Variants in INO80D observed in about 807,000 individuals in gnomAD.
The protein encoded by INO80D is INO80 complex subunit D.
INO80D carries 21 observed loss-of-function variants against 87.6 expected under a neutral mutation model. That is an observed-to-expected ratio of 0.24 (90% CI 0.17 to 0.35). The LOEUF is 0.35. Ranked by LOEUF, INO80D falls within the 10% of genes least tolerant of loss-of-function variation. The pLI is 1.00. For missense variants in INO80D, 982 were observed against 1,280.7 expected (o/e 0.77, Z 3.56); for synonymous variants, 440 against 491.0 (o/e 0.90, Z 1.37).
At position 206,085,512 on chromosome 2, in the gene INO80D, G is replaced by C. The variant is rs112747614; in HGVS notation, c.-124+389C>G. On this transcript the variant is annotated intron_variant, in intron 1 of 10. Coordinates refer to ENST00000403263, the MANE Select transcript of INO80D (RefSeq NM_017759.5). The surrounding 1 kb of genome is among the most constrained non-coding windows in gnomAD (Gnocchi z 4.5). ...CACCCGGAGACCCCGGGGGACTCGA[G>C]GGGGCGCGCGGAGGCCCGGGGTGCG... 54,331 of 150,314 alleles carry C rather than the reference G, an allele frequency of 0.36. 10,473 individuals carry two copies. Among genetic ancestry groups the C allele is most frequent in the African/African-American group, 0.48 (19,992 of 41,230 alleles). The allele number at this position is 150,314 out of a possible 1,614,324, so 9.3% of individuals were successfully genotyped here. A position where few individuals can be genotyped will look rare whatever the true frequency, so the allele number is the denominator to read the frequency against.
At chr2:206,031,029 C>G (rs1688751665) in intron 5 of INO80D, among the ~76,000 whole-genome samples, 1 of 151,996 alleles carries the variant, frequency 6.6e-6, no homozygotes, top group South Asian at 2.1e-4. Context: ...AATAAGCAGG[C>G]AGCAGTTTCC....
chr2:206,019,410 T>G (rs1688400711), intron 7 of INO80D, among the ~76,000 whole-genome samples: 1 of 152,210 alleles, frequency 6.6e-6, no homozygotes, highest in African/African-American at 2.4e-5. Context: ...GTGATTTGAT[T>G]TTTTCCATTA....
Position 206,005,512 on chromosome 2 carries a change from GGGA to G in INO80D, c.1937_1939del (p.Leu646del). The G allele has an allele frequency of 6.2e-7, 1 of 1,612,288 alleles. No homozygotes were observed. Among genetic ancestry groups the G allele is most frequent in the Non-Finnish European group, 8.5e-7 (1 of 1,179,658 alleles). ...AAGCTCCTCAGCCTCTTCGGTAGTTGGGAGGAGGTCTCCATTCTTCCCTGAGTC... is the reference window on the plus strand; with the variant it reads ...AAGCTCCTCAGCCTCTTCGGTAGTTGGGAGGTCTCCATTCTTCCCTGAGTC... On this transcript the variant is annotated inframe_deletion, in exon 11 of 11. Transcript: ENST00000403263.
At chr2:206,051,793 G>C (rs890281355) in intron 4 of INO80D, among the ~76,000 whole-genome samples, 1 of 151,922 alleles carries the variant, frequency 6.6e-6, no homozygotes, top group African/African-American at 2.4e-5. Flanking sequence ...GAGCCACCTC[G>C]CCTGGCCTCA....
At chr2:206,075,195 C>T (rs2105906112) in intron 1 of INO80D, among the ~76,000 whole-genome samples, 1 of 152,258 alleles carries the variant, frequency 6.6e-6, no homozygotes, top group Non-Finnish European at 1.5e-5. Context: ...ACAAAAGCAG[C>T]CAGCAGCCCT....
At chr2:206,031,275 A>C (rs1382917263) in intron 5 of INO80D, among the ~76,000 whole-genome samples, 1 of 151,922 alleles carries the variant, frequency 6.6e-6, no homozygotes, top group Non-Finnish European at 1.5e-5. Flanking sequence ...AAAAAAAAAA[A>C]GACATATAAG....
At chr2:206,038,101 G>A (rs1246223261) in intron 5 of INO80D, among the ~76,000 whole-genome samples, 1 of 152,066 alleles carries the variant, frequency 6.6e-6, no homozygotes, top group Non-Finnish European at 1.5e-5. Flanking sequence ...TGGAAGAGCG[G>A]AGGATAATGA....
At chr2:206,074,538 C>T (rs747916057) in intron 1 of INO80D, among the ~76,000 whole-genome samples, 3 of 149,580 alleles carry the variant, frequency 2.0e-5, no homozygotes, top group Admixed American at 6.7e-5. Context: ...TGCTTGAACC[C>T]GGGAGGCGGA....
Position 205,997,739 on chromosome 2 carries a change from C to G in INO80D, c.*6629G>C, listed in dbSNP as rs1186025893. 6.6e-6 allele frequency: 1 copy of G among 152,086 alleles called. No homozygotes were observed. The highest frequency in any genetic ancestry group is 1.5e-5 in the Non-Finnish European group (1 of 67,982). The allele number at this position is 152,086 out of a possible 1,614,324, so 9.4% of individuals were successfully genotyped here. On this transcript the variant is annotated 3_prime_UTR_variant, in exon 11 of 11. Coordinates refer to ENST00000403263, the MANE Select transcript of INO80D (RefSeq NM_017759.5). Reference sequence around the variant, plus strand: ...AATCCAAAGGTTAACATAAAATGCACATGATATCAGAGCTAGCCTTTTAAC... The same window carrying G: ...AATCCAAAGGTTAACATAAAATGCAGATGATATCAGAGCTAGCCTTTTAAC...
At chr2:206,032,987 A>G (rs1299349680) in intron 5 of INO80D, among the ~76,000 whole-genome samples, 1 of 152,248 alleles carries the variant, frequency 6.6e-6, no homozygotes, top group Non-Finnish European at 1.5e-5. Context: ...TCATATTTCA[A>G]TACTAACATT....
intron 4 of INO80D, among the ~76,000 whole-genome samples, chr2:206,054,187 T>TC (rs1338266503): frequency 5.0e-4 from 76 of 151,480 alleles, no homozygotes; most frequent in African/African-American, 1.6e-3. Flanking sequence ...TCTTTTCTTT[T>TC]TTTTTTTTTT....
chr2:206,028,370 T>C (rs1244452026), intron 5 of INO80D, 35 bp from the exon 6 acceptor site: 1 of 1,491,906 alleles, frequency 6.7e-7, no homozygotes, highest in South Asian at 1.2e-5. Flanking sequence ...AAAAACTGAT[T>C]ACACATTAGG....
At chr2:206,018,661 C>T (rs1688381985) in intron 7 of INO80D, among the ~76,000 whole-genome samples, 1 of 152,126 alleles carries the variant, frequency 6.6e-6, no homozygotes, top group Non-Finnish European at 1.5e-5. Flanking sequence ...TGGCTCACAC[C>T]TATACTCCCA....
At chr2:206,051,417 G>A (rs1472417337) in intron 4 of INO80D, among the ~76,000 whole-genome samples, 1 of 151,236 alleles carries the variant, frequency 6.6e-6, no homozygotes, top group Non-Finnish European at 1.5e-5. Flanking sequence ...AAGGAGAGGA[G>A]GGAGAGACTT....
At chr2:206,018,768 G>C (rs916640767) in intron 7 of INO80D, among the ~76,000 whole-genome samples, 1 of 152,102 alleles carries the variant, frequency 6.6e-6, no homozygotes, top group African/African-American at 2.4e-5. Flanking sequence ...CAGGCATGGT[G>C]GTGCATGCCT....
At chr2:206,080,189 G>A (rs1251391886) in intron 1 of INO80D, among the ~76,000 whole-genome samples, 1 of 152,224 alleles carries the variant, frequency 6.6e-6, no homozygotes, top group African/African-American at 2.4e-5. Context: ...TCTGTTAAAT[G>A]AATGAACCAG....
At chr2:206,028,995 C>T (rs951894129) in intron 5 of INO80D, among the ~76,000 whole-genome samples, 2 of 151,790 alleles carry the variant, frequency 1.3e-5, no homozygotes, top group African/African-American at 4.8e-5. Flanking sequence ...TCACGCCATT[C>T]TCCTGCCTCA....
At position 205,995,129 on chromosome 2, in the gene INO80D, G is replaced by A. The variant is rs1271235028; in HGVS notation, c.*9239C>T. The A allele has an allele frequency of 6.6e-6, 1 of 152,184 alleles. No homozygotes were observed. Among genetic ancestry groups the A allele is most frequent in the Admixed American group, 6.5e-5 (1 of 15,280 alleles). 9.4% of individuals were successfully genotyped at this position (152,184 alleles called of 1,614,324 possible). On this transcript the variant is annotated 3_prime_UTR_variant, in exon 11 of 11. Coordinates refer to ENST00000403263, the MANE Select transcript of INO80D (RefSeq NM_017759.5). ...CAAATTGGTGAATTAAGTTGATCTA[G>A]GAGATGGTGGCTGACATACACTAAC...
intron 7 of INO80D, among the ~76,000 whole-genome samples, chr2:206,018,720 A>C (rs1331963980): frequency 6.6e-6 from 1 of 152,102 alleles, no homozygotes; most frequent in Non-Finnish European, 1.5e-5. Context: ...TCAGAAGTTC[A>C]GGATCAGCCT....
Sources: allele counts gnomAD v4.1 joint callset (sites outside exome capture counted in the v4.1 genomes callset), GRCh38; gene constraint gnomAD v4.1.1; non-coding constraint Gnocchi (gnomAD v3.1); transcripts MANE v1.5; gene names NCBI Gene and HGNC (gene_info 2026-07-23, HGNC 2026-07-21).